The following NCAM1 variants were observed in gnomAD, a reference collection of about 807,000 sequenced individuals.
NCAM1 encodes neural cell adhesion molecule 1, also known as antigen recognized by monoclonal antibody 5.1H11.
A neutral mutation model predicts 109.8 loss-of-function variants in NCAM1; 14 were observed. The ratio of observed to expected loss-of-function variants is 0.13; its 90% CI spans 0.08 to 0.20. The LOEUF (loss-of-function observed/expected upper bound fraction) is 0.20, where lower values mean the gene tolerates loss of function less well. Among genes scored for constraint, NCAM1 ranks in the 10% least tolerant of loss-of-function variants. NCAM1 has a pLI of 1.00. For missense variants in NCAM1, 774 were observed against 1,109.9 expected (o/e 0.70, Z 4.30); for synonymous variants, 418 against 442.9 (o/e 0.94, Z 0.70).
intron 17 of NCAM1, among the ~76,000 whole-genome samples, chr11:113,266,263 C>T (rs782558420): frequency 2.6e-5 from 4 of 152,222 alleles, no homozygotes; most frequent in Non-Finnish European, 5.9e-5. Context: ...CTTCAATACC[C>T]TGCTGCCCAT....
chr11:112,981,696 A>G (rs1409807600), intron 1 of NCAM1, among the ~76,000 whole-genome samples: 1 of 151,864 alleles, frequency 6.6e-6, no homozygotes, highest in Non-Finnish European at 1.5e-5. Context: ...ACAATCACTT[A>G]GAGTAGGCAT....
chr11:113,144,867 A>G (rs1387007425), intron 1 of NCAM1, among the ~76,000 whole-genome samples: 2 of 152,254 alleles, frequency 1.3e-5, no homozygotes, highest in East Asian at 1.9e-4. Flanking sequence ...GTTAATGATC[A>G]TAGCCATTGT....
At chr11:113,215,686 T>C (rs2137032769) in intron 8 of NCAM1, among the ~76,000 whole-genome samples, 1 of 152,346 alleles carries the variant, frequency 6.6e-6, no homozygotes, top group African/African-American at 2.4e-5. Flanking sequence ...CAGAGTTAAA[T>C]TCACCTTAAC....
At chr11:113,120,494 C>T (rs1940910119) in intron 1 of NCAM1, among the ~76,000 whole-genome samples, 1 of 152,164 alleles carries the variant, frequency 6.6e-6, no homozygotes, top group African/African-American at 2.4e-5. Context: ...GTGACCCAGG[C>T]TCATTAGGAA....
At chr11:113,093,941 C>T (rs1939478475) in intron 1 of NCAM1, among the ~76,000 whole-genome samples, 1 of 152,194 alleles carries the variant, frequency 6.6e-6, no homozygotes, top group African/African-American at 2.4e-5. Context: ...CTGTGCTTCT[C>T]TGCAGGAGCT....
At chr11:113,163,118 C>T (rs1485765364) in intron 1 of NCAM1, among the ~76,000 whole-genome samples, 1 of 152,190 alleles carries the variant, frequency 6.6e-6, no homozygotes, top group African/African-American at 2.4e-5. Context: ...GCAGCCTCAT[C>T]TGGCAACCTC....
At chr11:113,240,763 C>T in intron 14 of NCAM1, 1 of 1,611,426 alleles carries the variant, frequency 6.2e-7, no homozygotes, top group Non-Finnish European at 8.5e-7. Flanking sequence ...CTTTTTTCCC[C>T]ACCTTCATTT....
At chr11:113,066,468 G>A (rs1937963746) in intron 1 of NCAM1, among the ~76,000 whole-genome samples, 1 of 152,124 alleles carries the variant, frequency 6.6e-6, no homozygotes, top group African/African-American at 2.4e-5. Flanking sequence ...AAAAGGCCAA[G>A]TGTTTTCCTA....
At chr11:113,132,107 G>T (rs1941413668) in intron 1 of NCAM1, among the ~76,000 whole-genome samples, 1 of 152,154 alleles carries the variant, frequency 6.6e-6, no homozygotes, top group Admixed American at 6.5e-5. Context: ...TGACTTTGCA[G>T]TCCTCTGTGT....
At chr11:112,974,553 C>T (rs1448228303) in intron 1 of NCAM1, among the ~76,000 whole-genome samples, 2 of 152,004 alleles carry the variant, frequency 1.3e-5, no homozygotes, top group Admixed American at 6.6e-5. Context: ...TTGCAGCAGG[C>T]ACGGTATAAG....
intron 14 of NCAM1, chr11:113,235,405 T>C: frequency 1.2e-6 from 1 of 845,832 alleles, no homozygotes; most frequent in South Asian, 1.3e-5. Context: ...GTCCAGCTTG[T>C]TAGAATAACA....
chr11:113,212,635 T>A (rs916562206), intron 7 of NCAM1, among the ~76,000 whole-genome samples: 1 of 152,258 alleles, frequency 6.6e-6, no homozygotes, highest in Non-Finnish European at 1.5e-5. Context: ...TTCAGTTGTA[T>A]GGCCACATTT....
intron 1 of NCAM1, among the ~76,000 whole-genome samples, chr11:113,018,962 G>T (rs1952297091): frequency 6.6e-6 from 1 of 152,068 alleles, no homozygotes; most frequent in Admixed American, 6.6e-5. Flanking sequence ...AAAGGTGAGA[G>T]AGTTAAGTTT....
chr11:113,220,598 CTCTCTTTTTTTTT>C (rs1565508449), intron 8 of NCAM1, among the ~76,000 whole-genome samples: 1 of 105,654 alleles, frequency 9.5e-6, no homozygotes, highest in Non-Finnish European at 1.8e-5. Flanking sequence ...CTCTCTCTCT[CTCTCTTTTTTTTT>C]TTTTTTTTTT....
chr11:113,047,307 A>G (rs1555081016), intron 1 of NCAM1, among the ~76,000 whole-genome samples: 2 of 152,166 alleles, frequency 1.3e-5, no homozygotes, highest in African/African-American at 4.8e-5. Flanking sequence ...GAAAAGTAAT[A>G]TCACACTTAA....
intron 1 of NCAM1, among the ~76,000 whole-genome samples, chr11:113,197,739 A>G (rs1292283055): frequency 6.6e-6 from 1 of 152,182 alleles, no homozygotes; most frequent in East Asian, 1.9e-4. Flanking sequence ...TCCCTCCTCA[A>G]GCCCATTGGA....
chr11:113,029,227 T>G (rs1334463857), intron 1 of NCAM1, among the ~76,000 whole-genome samples: 2 of 152,176 alleles, frequency 1.3e-5, no homozygotes, highest in African/African-American at 4.8e-5. Context: ...TGGGATGTGC[T>G]TCAGCAAAAT....
At chr11:113,153,812 C>A (rs965731687) in intron 1 of NCAM1, among the ~76,000 whole-genome samples, 2 of 152,194 alleles carry the variant, frequency 1.3e-5, no homozygotes, top group African/African-American at 2.4e-5. Context: ...GGATTTGAAT[C>A]CTGGCTCTGT....
At chr11:113,195,205 A>G (rs1555110604) in intron 1 of NCAM1, among the ~76,000 whole-genome samples, 3 of 152,132 alleles carry the variant, frequency 2.0e-5, no homozygotes, top group Admixed American at 6.6e-5. Flanking sequence ...TTCTTCTTCC[A>G]CCCAGTTACT....
Sources: gnomAD v4.1 joint callset for allele counts (sites outside exome capture counted in the v4.1 genomes callset) on GRCh38, gnomAD v4.1.1 for gene constraint, MANE v1.5 for transcripts, NCBI Gene and HGNC (gene_info 2026-07-23, HGNC 2026-07-21) for gene names.